CCDC88C: variants seen among roughly 807,000 people sequenced by gnomAD.
The protein encoded by CCDC88C is coiled-coil and HOOK domain protein 88C.
Under a neutral mutation model 198.8 loss-of-function variants are expected in CCDC88C, and 131 were observed. The ratio of observed to expected loss-of-function variants is 0.66; its 90% CI spans 0.57 to 0.76. CCDC88C has a LOEUF of 0.76. Among genes scored for constraint, CCDC88C ranks in the 30% least tolerant of loss-of-function variants. CCDC88C has a pLI of 0.00. For missense variants in CCDC88C, 2,553 were observed against 2,631.6 expected (o/e 0.97, Z 0.65); for synonymous variants, 1,166 against 1,114.7 (o/e 1.05, Z -0.92).
At chr14:91,323,471 A>G (rs1400816804) in intron 12 of CCDC88C, among the ~76,000 whole-genome samples, 1 of 152,248 alleles carries the variant, frequency 6.6e-6, no homozygotes, top group African/African-American at 2.4e-5. Flanking sequence ...CCAGCAGAGA[A>G]GCCAAGGCTT....
rs76838948 is a variant in CCDC88C at position 91,394,202 on chromosome 14, T to C, written c.270+14457A>G. 9.9e-3 allele frequency among the ~76,000 whole-genome samples: 1,507 copies of C among 152,270 alleles called. 29 individuals are homozygous for C. Among genetic ancestry groups the C allele is most frequent in the African/African-American group, 0.035 (1,451 of 41,554 alleles). On this transcript the variant is annotated intron_variant, in intron 3 of 29. Transcript: ENST00000389857. Reference sequence around the variant, plus strand: ...ATTTCCACCCCCCAGGGACTGAGCCTCCCAGTACCTGACATATGGCATTTC... The same window carrying C: ...ATTTCCACCCCCCAGGGACTGAGCCCCCCAGTACCTGACATATGGCATTTC...
intron 2 of CCDC88C, among the ~76,000 whole-genome samples, chr14:91,410,497 T>A (rs756604549): frequency 6.6e-6 from 1 of 152,134 alleles, no homozygotes; most frequent in Non-Finnish European, 1.5e-5. Context: ...GGAAGTACAG[T>A]GATGGAGTGT....
rs1190512389 is a variant in CCDC88C, at chr14:91,303,825, G to C, written c.3511C>G (p.His1171Asp). The C allele has an allele frequency of 6.2e-7, 1 of 1,613,332 alleles. No homozygotes were observed. The highest frequency in any genetic ancestry group is 1.3e-5 in the African/African-American group (1 of 75,074). Residue 1171 changes from histidine to aspartate, a missense_variant, in exon 20 of 30, where the codon CAC becomes GAC. Around this residue, in one of 2 missense-constraint regions of CCDC88C, gnomAD observed 1,293 missense variants for 1,219.6 expected, o/e 1.06. Coordinates refer to ENST00000389857, the MANE Select transcript of CCDC88C (RefSeq NM_001080414.4). ...TCGTGCAGCGTGCCCAGGTGCTCGT[G>C]GTCCTGCAGCAGGGCCTCGTAGGCC... The part of the protein sequence containing the change: ...TAAYEALLQD[H>D]EHLGTLHERQ...
chr14:91,329,551 T>C (rs1249826334), intron 10 of CCDC88C, among the ~76,000 whole-genome samples: 1 of 152,238 alleles, frequency 6.6e-6, no homozygotes, highest in Non-Finnish European at 1.5e-5. Flanking sequence ...CTGTGAAGGC[T>C]GAAGCTCACG....
chr14:91,299,151 T>C (rs1367837638), intron 21 of CCDC88C, among the ~76,000 whole-genome samples: 4 of 152,206 alleles, frequency 2.6e-5, no homozygotes, highest in Non-Finnish European at 5.9e-5. Flanking sequence ...CATAACCTTG[T>C]TTTATGTGGG....
chr14:91,354,825 T>C (rs1893972836), intron 4 of CCDC88C, among the ~76,000 whole-genome samples: 1 of 152,074 alleles, frequency 6.6e-6, no homozygotes. Context: ...GCGTGCACCC[T>C]AACGGGGGAA....
chr14:91,415,598 C>G (rs550941032), intron 2 of CCDC88C, among the ~76,000 whole-genome samples: 1 of 151,928 alleles, frequency 6.6e-6, no homozygotes, highest in Admixed American at 6.6e-5. Context: ...CGCATGCCTG[C>G]AATCCCAGCT....
At position 91,288,874 on chromosome 14, in the gene CCDC88C, C is replaced by T. The variant is rs1318125887; in HGVS notation, c.4441+231G>A. On this transcript the variant is annotated intron_variant, in intron 25 of 29. Transcript: ENST00000389857. The surrounding 1 kb of genome is among the most constrained non-coding windows in gnomAD (Gnocchi z 4.2). ...TCTAGCCTGGGCAACAAGAGTGAAA[C>T]TCCATCTCAAAAAAATTAAAATAAA... 6.8e-6 allele frequency: 3 copies of T among 442,242 alleles called. No homozygotes were observed. The highest frequency in any genetic ancestry group is 1.2e-5 in the Non-Finnish European group (3 of 251,048). The allele number at this position is 442,242 out of a possible 1,614,324, so 27.4% of individuals were successfully genotyped here.
chr14:91,304,758 T>C (rs1241156605), intron 19 of CCDC88C, among the ~76,000 whole-genome samples: 1 of 152,222 alleles, frequency 6.6e-6, no homozygotes, highest in Non-Finnish European at 1.5e-5. Flanking sequence ...GAGGGAATAC[T>C]TCCCAAATCA....
intron 20 of CCDC88C, among the ~76,000 whole-genome samples, chr14:91,302,219 C>A (rs1050851000): frequency 6.6e-6 from 1 of 152,186 alleles, no homozygotes; most frequent in African/African-American, 2.4e-5. Flanking sequence ...GATGTCCTCC[C>A]CACTCCCACC....
In CCDC88C at chr14:91,294,178, C is replaced by T. The variant is rs12891713; in HGVS notation, c.4107G>A (p.Gln1369=). The T allele has an allele frequency of 0.13, 217,048 of 1,613,610 alleles. 18,875 individuals carry two copies. Among genetic ancestry groups the T allele is most frequent in the African/African-American group, 0.44 (33,190 of 74,932 alleles). The part of the protein sequence containing the change: ...NKEQYHEEQK[Q]YIDKLNALRR... ...TTCAGGGACTCCCTGCTTACATGTA[C>T]TGCTTCTGCTCCTCATGGTACTGCT... Residue 1369 remains glutamine (Q), a synonymous_variant, in exon 23 of 30, where the codon CAG becomes CAA. Coordinates refer to ENST00000389857, the MANE Select transcript of CCDC88C (RefSeq NM_001080414.4).
At position 91,273,023 on chromosome 14, in the gene CCDC88C, C is replaced by T. The variant is rs774070553; in HGVS notation, c.5689G>A (p.Ala1897Thr). The change falls in exon 30 of 30, where the codon GCC becomes ACC. Residue 1897 changes from alanine (A) to threonine (T), a missense_variant. Around this residue, in one of 2 missense-constraint regions of CCDC88C, gnomAD observed 1,293 missense variants for 1,219.6 expected, o/e 1.06. Coordinates refer to ENST00000389857, the MANE Select transcript of CCDC88C (RefSeq NM_001080414.4). The surrounding 1 kb of genome is among the most constrained non-coding windows in gnomAD (Gnocchi z 5.6). ...SLAPPKEERL[A>T]PLHQSATAPA... ...GCTGTGGCAGACTGATGCAGGGGGG[C>T]CAGCCTCTCCTCCTTTGGGGGAGCC... 3.2e-6 allele frequency: 5 copies of T among 1,553,498 alleles called. No individual in the cohort carries two copies. The South Asian group carries it at 4.7e-5, about 15-fold the overall frequency.
chr14:91,292,604 CACACCAGTGTTCACTGTG>C (rs1890710101), intron 23 of CCDC88C, among the ~76,000 whole-genome samples: 2 of 152,136 alleles, frequency 1.3e-5, no homozygotes, highest in Admixed American at 1.3e-4. Context: ...GTTGGGATAG[CACACCAGTGTTCACTGTG>C]ACCACAGTGA....
intron 15 of CCDC88C, among the ~76,000 whole-genome samples, chr14:91,312,224 A>C (rs1387369482): frequency 1.3e-5 from 2 of 151,966 alleles, no homozygotes; most frequent in Admixed American, 1.3e-4. Context: ...CCCCACCTCT[A>C]CTAAAAATAC....
At position 91,277,985 on chromosome 14, in the gene CCDC88C, G is replaced by A. The variant is rs1299019683; in HGVS notation, c.4995C>T (p.Pro1665=). Residue 1665 remains proline (P), a synonymous_variant, in exon 29 of 30, where the codon CCC becomes CCT. Coordinates refer to ENST00000389857, the MANE Select transcript of CCDC88C (RefSeq NM_001080414.4). ...CCTCCAAGGTGACCATCTCACTGCT[G>A]GGGGAGGCCGAGCAGGGCCGCACTC... ...YVGVRPCSAS[P]SSEMVTLEEF... 3 of 1,565,046 alleles carry A rather than the reference G, an allele frequency of 1.9e-6. No individual in the cohort carries two copies. The highest frequency in any genetic ancestry group is 2.3e-5 in the South Asian group (2 of 85,740).
In CCDC88C at chr14:91,408,599, G is replaced by A. The variant is rs930277046; in HGVS notation, c.270+60C>T. On this transcript the variant is annotated intron_variant, in intron 3 of 29. Transcript: ENST00000389857. ...CCTCCCGGCCTCCTGTGGGAAAACC[G>A]TGACAGTGACGATACTGATGGACAC... is the stretch of plus-strand genomic sequence containing the variant. 34 of 1,082,590 alleles carry A rather than the reference G, an allele frequency of 3.1e-5. No individual in the cohort carries two copies. The Middle Eastern group carries it at 5.9e-4, about 19-fold the overall frequency. 67.1% of individuals were successfully genotyped at this position (1,082,590 alleles called of 1,614,324 possible).
intron 3 of CCDC88C, among the ~76,000 whole-genome samples, chr14:91,405,516 G>T (rs7145368): frequency 6.6e-6 from 1 of 152,016 alleles, no homozygotes; most frequent in African/African-American, 2.4e-5. Flanking sequence ...TATAATAACC[G>T]GTTATGTTTG....
chr14:91,282,080 C>T (rs796414850), intron 26 of CCDC88C, among the ~76,000 whole-genome samples: 16 of 152,284 alleles, frequency 1.1e-4, no homozygotes, highest in East Asian at 7.7e-4. Flanking sequence ...AAATGCCCCA[C>T]GCCTCAAAAT....
chr14:91,318,412 T>C (rs555697343), intron 13 of CCDC88C, among the ~76,000 whole-genome samples: 10 of 152,228 alleles, frequency 6.6e-5, no homozygotes, highest in African/African-American at 2.4e-4. Flanking sequence ...CAAGACCCTG[T>C]CTCAAAAAAC....
Sources: allele counts gnomAD v4.1 joint callset (sites outside exome capture counted in the v4.1 genomes callset), GRCh38; gene constraint gnomAD v4.1.1; regional missense constraint gnomAD v4.1.1; non-coding constraint Gnocchi (gnomAD v3.1); transcripts MANE v1.5; gene names NCBI Gene and HGNC (gene_info 2026-07-23, HGNC 2026-07-21).